The following AFG2A variants were observed in gnomAD, a reference collection of about 807,000 sequenced individuals.
AFG2A encodes the protein AAA ATPase AFG2A.
At chr4:123,079,184 A>G in the AFG2A span, among the ~76,000 whole-genome samples, 1 of 152,206 alleles carries the variant, frequency 6.6e-6, no homozygotes, top group African/African-American at 2.4e-5. Context: ...ATGAATTGTT[A>G]TACATTCTAA....
chr4:123,281,447 A>G, the AFG2A span, among the ~76,000 whole-genome samples: 1 of 152,202 alleles, frequency 6.6e-6, no homozygotes, highest in Non-Finnish European at 1.5e-5. Context: ...GCTGATCTTT[A>G]GACCTACAGG....
chr4:123,232,508 C>T, the AFG2A span, among the ~76,000 whole-genome samples: 3 of 151,918 alleles, frequency 2.0e-5, no homozygotes, highest in African/African-American at 7.2e-5. Context: ...GGAATTCATT[C>T]GTGATTTTAA....
chr4:122,933,430 C>T, the AFG2A span: 1 of 1,610,428 alleles, frequency 6.2e-7, no homozygotes, highest in East Asian at 2.2e-5. Flanking sequence ...CCTTCTTATC[C>T]TTTTACAGTG....
At chr4:123,014,664 TAC>T in the AFG2A span, among the ~76,000 whole-genome samples, 2 of 152,212 alleles carry the variant, frequency 1.3e-5, no homozygotes, top group Non-Finnish European at 2.9e-5. Context: ...TTGAAATCTA[TAC>T]AGTTTGAAAA....
the AFG2A span, among the ~76,000 whole-genome samples, chr4:123,037,905 A>G: frequency 2.0e-5 from 3 of 152,038 alleles, no homozygotes; most frequent in Non-Finnish European, 4.4e-5. Context: ...TGGAAACCAC[A>G]ATTCTGCATT....
chr4:123,205,614 G>A, the AFG2A span, among the ~76,000 whole-genome samples: 7,919 of 152,020 alleles, frequency 0.052, 697 homozygotes, highest in African/African-American at 0.18. Flanking sequence ...GAGGTTATAC[G>A]CAAATAACTA....
the AFG2A span, among the ~76,000 whole-genome samples, chr4:123,094,840 A>T: frequency 6.6e-6 from 1 of 151,504 alleles, no homozygotes; most frequent in Non-Finnish European, 1.5e-5. Context: ...TTAATCACAC[A>T]CAAAACTCCC....
the AFG2A span, chr4:122,934,166 T>C: frequency 6.2e-7 from 1 of 1,614,140 alleles, no homozygotes; most frequent in South Asian, 1.1e-5. Flanking sequence ...AAGCTGCAAG[T>C]ATTGCGAGTG....
At chr4:123,057,083 C>A in the AFG2A span, 1 of 884,990 alleles carries the variant, frequency 1.1e-6, no homozygotes, top group Non-Finnish European at 1.8e-6. Context: ...AAGGTCTATA[C>A]AAAGTGACTG....
the AFG2A span, among the ~76,000 whole-genome samples, chr4:123,220,450 A>T: frequency 2.0e-5 from 3 of 151,396 alleles, no homozygotes; most frequent in East Asian, 5.9e-4. Context: ...CCTCTACTAA[A>T]AATAGAAAAA....
At chr4:123,302,344 T>C in the AFG2A span, among the ~76,000 whole-genome samples, 2 of 152,148 alleles carry the variant, frequency 1.3e-5, no homozygotes, top group African/African-American at 2.4e-5. Context: ...GCTGTCAGCT[T>C]TCTGGCTATA....
chr4:122,973,196 T>C, the AFG2A span, among the ~76,000 whole-genome samples: 4 of 152,168 alleles, frequency 2.6e-5, no homozygotes, highest in South Asian at 6.2e-4. Flanking sequence ...ATAGTAGATA[T>C]AGGTGCACTG....
the AFG2A span, among the ~76,000 whole-genome samples, chr4:123,041,952 C>G: frequency 1.3e-5 from 2 of 152,158 alleles, no homozygotes; most frequent in African/African-American, 2.4e-5. Flanking sequence ...TCTCCCTCAT[C>G]TTAATTGAAT....
the AFG2A span, among the ~76,000 whole-genome samples, chr4:123,211,635 A>G: frequency 1.1e-3 from 174 of 152,290 alleles, 2 homozygotes; most frequent in East Asian, 0.016. Flanking sequence ...ATTTGGGGTA[A>G]ATGTCTAGAT....
the AFG2A span, among the ~76,000 whole-genome samples, chr4:123,216,680 T>TA: frequency 1.1e-4 from 16 of 151,012 alleles, no homozygotes; most frequent in African/African-American, 3.9e-4. Context: ...TTTTTTTTTT[T>TA]AAAGAAACAA....
At chr4:123,302,546 A>G in the AFG2A span, among the ~76,000 whole-genome samples, 1 of 151,416 alleles carries the variant, frequency 6.6e-6, no homozygotes. Flanking sequence ...AAACTAGTTT[A>G]TATCTTTGTT....
chr4:123,071,233 C>A, the AFG2A span, among the ~76,000 whole-genome samples: 1 of 152,308 alleles, frequency 6.6e-6, no homozygotes, highest in South Asian at 2.1e-4. Context: ...GTAATCCCAG[C>A]ACTTTGGGAG....
At chr4:123,002,087 T>C in the AFG2A span, among the ~76,000 whole-genome samples, 1 of 151,780 alleles carries the variant, frequency 6.6e-6, no homozygotes, top group African/African-American at 2.4e-5. Flanking sequence ...TTGATCTTTG[T>C]TGGTTTAAAG....
chr4:123,086,698 T>A, the AFG2A span, among the ~76,000 whole-genome samples: 109 of 152,200 alleles, frequency 7.2e-4, no homozygotes, highest in East Asian at 3.5e-3. Context: ...TTTTATTATT[T>A]TTTTTTTAAA....
Sources: allele counts gnomAD v4.1 joint callset (sites outside exome capture counted in the v4.1 genomes callset), GRCh38; gene constraint gnomAD v4.1.1; transcripts MANE v1.5; gene names NCBI Gene and HGNC (gene_info 2026-07-23, HGNC 2026-07-21).